Variants in GRID2 observed in about 807,000 individuals in gnomAD.
GRID2 encodes the protein glutamate receptor ionotropic, delta-2.
A neutral mutation model predicts 114.8 loss-of-function variants in GRID2; 33 were observed. The ratio of observed to expected loss-of-function variants is 0.29; its 90% CI spans 0.22 to 0.38. GRID2 has a LOEUF of 0.38. GRID2 is among the 10% of genes least tolerant of loss of function. The pLI, the probability that GRID2 is intolerant of heterozygous loss-of-function variation, is 1.00. For synonymous variants in GRID2, 505 were observed against 449.9 expected (o/e 1.12, Z -1.55); for missense variants, 1,184 against 1,257.7 (o/e 0.94, Z 0.89).
chr4:93,604,377 C>T (rs1023753533), intron 13 of GRID2, among the ~76,000 whole-genome samples: 4 of 152,142 alleles, frequency 2.6e-5, no homozygotes, highest in Non-Finnish European at 5.9e-5. Context: ...TGAATTGCTG[C>T]AATCTTGTGA....
intron 13 of GRID2, among the ~76,000 whole-genome samples, chr4:93,547,188 A>G (rs1733306696): frequency 6.6e-6 from 1 of 152,088 alleles, no homozygotes; most frequent in African/African-American, 2.4e-5. Flanking sequence ...AGTAAATAAA[A>G]CTCCTATAAT....
chr4:92,843,120 G>A (rs2149412349), intron 2 of GRID2, among the ~76,000 whole-genome samples: 1 of 152,120 alleles, frequency 6.6e-6, no homozygotes, highest in East Asian at 1.9e-4. Context: ...ACACATACCT[G>A]TAGTCCCAGC....
At chr4:92,576,663 G>A (rs878867840) in intron 1 of GRID2, among the ~76,000 whole-genome samples, 1 of 152,162 alleles carries the variant, frequency 6.6e-6, no homozygotes, top group Admixed American at 6.5e-5. Context: ...AGCTTAGTGT[G>A]TCAGACACTG....
chr4:92,873,902 C>T (rs1217130013), intron 2 of GRID2, among the ~76,000 whole-genome samples: 4 of 152,004 alleles, frequency 2.6e-5, no homozygotes, highest in Non-Finnish European at 4.4e-5. Context: ...GTAGTAGAGA[C>T]GGGGTTTCAC....
At chr4:93,309,971 T>G (rs2149185202) in intron 8 of GRID2, among the ~76,000 whole-genome samples, 1 of 152,296 alleles carries the variant, frequency 6.6e-6, no homozygotes, top group South Asian at 2.1e-4. Context: ...GTATATATGC[T>G]TACTGCCTTG....
intron 12 of GRID2, among the ~76,000 whole-genome samples, chr4:93,498,714 T>A (rs569636009): frequency 2.5e-4 from 38 of 151,982 alleles, no homozygotes; most frequent in African/African-American, 8.9e-4. Flanking sequence ...CTTATGCCAT[T>A]TACAAAGTCA....
chr4:92,866,448 T>G (rs1346899141), intron 2 of GRID2, among the ~76,000 whole-genome samples: 3 of 152,182 alleles, frequency 2.0e-5, no homozygotes, highest in African/African-American at 7.2e-5. Flanking sequence ...GCCTAGGAAA[T>G]AAGTGTCCAA....
In GRID2 at chr4:93,471,698, A is replaced by ATTTTTTTTTTTTTTTTTT. The variant is rs897411033; in HGVS notation, c.1858+15741_1858+15742insTTTTTTTTTTTTTTTTTT. Among the ~76,000 whole-genome samples, 96 of 60,956 alleles carry ATTTTTTTTTTTTTTTTTT rather than the reference A, an allele frequency of 1.6e-3. 19 individuals carry two copies. The highest frequency in any genetic ancestry group is 6.2e-3 in the African/African-American group (69 of 11,062). 40.0% of individuals were successfully genotyped at this position (60,956 alleles called of 152,430 possible). ...ATTGTTATTTCTTCTCCTGAATTCAATTTTTTTTTTTTTTTTTGGAGACGG... is the reference window on the plus strand; with the variant it reads ...ATTGTTATTTCTTCTCCTGAATTCAATTTTTTTTTTTTTTTTTTTTTTTTTTTTTTTTTTTGGAGACGG... On this transcript the variant is annotated intron_variant, in intron 11 of 15. Transcript: ENST00000282020.
chr4:92,762,005 T>C (rs1738033490), intron 2 of GRID2, among the ~76,000 whole-genome samples: 1 of 152,176 alleles, frequency 6.6e-6, no homozygotes, highest in Non-Finnish European at 1.5e-5. Context: ...CTTGGCTCAC[T>C]GCAACCTCCA....
In GRID2 at chr4:92,481,981, G is replaced by GATAGATAT. The variant is rs1722618198; in HGVS notation, c.89-108147_89-108146insGATATATA. Among the ~76,000 whole-genome samples the GATAGATAT allele has an allele frequency of 6.4e-5, 3 of 47,242 alleles. No individual in the cohort carries two copies. In the Admixed American group the frequency reaches 7.5e-4, roughly 12 times the overall value. 31.0% of individuals were successfully genotyped at this position (47,242 alleles called of 152,430 possible). A position where few individuals can be genotyped will look rare whatever the true frequency, so the allele number is the denominator to read the frequency against. Reference sequence around the variant, plus strand: ...AGTGGTGGACTGGAGAATAAAATGTGATATATATATATATATATATATATA... The same window carrying GATAGATAT: ...AGTGGTGGACTGGAGAATAAAATGTGATAGATATATATATATATATATATATATATATA... On this transcript the variant is annotated intron_variant, in intron 1 of 15. Coordinates refer to ENST00000282020, the MANE Select transcript of GRID2 (RefSeq NM_001510.4).
At position 93,081,038 on chromosome 4, in the gene GRID2, C is replaced by A. The variant is rs1046333945; in HGVS notation, c.245-3957C>A. On this transcript the variant is annotated intron_variant, in intron 2 of 15. Coordinates refer to ENST00000282020, the MANE Select transcript of GRID2 (RefSeq NM_001510.4). ...TAGTGCCCCCATGACCCAAACACAT[C>A]ACATTAGGTTCCACCTCCCAACACC... 1.4e-4 allele frequency among the ~76,000 whole-genome samples: 22 copies of A among 152,278 alleles called. 1 individual carries two copies. The highest frequency in any genetic ancestry group is 5.1e-4 in the African/African-American group (21 of 41,562).
chr4:93,390,195 C>T (rs1284810959), intron 8 of GRID2, among the ~76,000 whole-genome samples: 1 of 152,168 alleles, frequency 6.6e-6, no homozygotes, highest in Non-Finnish European at 1.5e-5. Context: ...GGGATTCTGA[C>T]TTAATTGTCC....
chr4:92,568,143 T>C (rs1017683408), intron 1 of GRID2, among the ~76,000 whole-genome samples: 3 of 151,900 alleles, frequency 2.0e-5, no homozygotes, highest in Admixed American at 6.6e-5. Flanking sequence ...GAAGGAGCAT[T>C]ACAACTAGAA....
intron 14 of GRID2, among the ~76,000 whole-genome samples, chr4:93,645,043 G>A (rs558776143): frequency 3.3e-4 from 51 of 152,274 alleles, no homozygotes; most frequent in African/African-American, 1.2e-3. Flanking sequence ...CATAATAGCT[G>A]TTTGATAAAT....
chr4:93,685,222 A>G (rs1026979604), intron 14 of GRID2, among the ~76,000 whole-genome samples: 5 of 152,138 alleles, frequency 3.3e-5, no homozygotes, highest in Non-Finnish European at 7.4e-5. Flanking sequence ...CCAAGTAGTG[A>G]GTGAATGCTT....
chr4:93,123,858 C>A (rs1482417647), intron 4 of GRID2, among the ~76,000 whole-genome samples: 1 of 150,246 alleles, frequency 6.7e-6, no homozygotes, highest in Non-Finnish European at 1.5e-5. Flanking sequence ...GTAAATGAAT[C>A]CAAAAATAAT....
chr4:92,874,264 C>CCAATTACT (rs1745477116), intron 2 of GRID2, among the ~76,000 whole-genome samples: 1 of 152,098 alleles, frequency 6.6e-6, no homozygotes, highest in Non-Finnish European at 1.5e-5. Flanking sequence ...AATGTTGTAG[C>CCAATTACT]GTCTTCCAAT....
At chr4:93,588,612 C>T (rs181423512) in intron 13 of GRID2, among the ~76,000 whole-genome samples, 2 of 152,184 alleles carry the variant, frequency 1.3e-5, no homozygotes, top group African/African-American at 4.8e-5. Flanking sequence ...CTGATTCATA[C>T]CCACCCAGCT....
intron 10 of GRID2, among the ~76,000 whole-genome samples, chr4:93,454,178 A>G (rs1022946154): frequency 3.3e-5 from 5 of 152,044 alleles, no homozygotes; most frequent in Non-Finnish European, 5.9e-5. Context: ...CATGGTACGT[A>G]TACTAATATG....
Sources: gnomAD v4.1 joint callset for allele counts (sites outside exome capture counted in the v4.1 genomes callset) on GRCh38, gnomAD v4.1.1 for gene constraint, MANE v1.5 for transcripts, NCBI Gene and HGNC (gene_info 2026-07-23, HGNC 2026-07-21) for gene names.